Variants in SPINT3 observed in about 807,000 individuals in gnomAD.
SPINT3 encodes the protein serine peptidase inhibitor, Kunitz type 3, also known as kunitz-type protease inhibitor 3.
In SPINT3, 4 loss-of-function variants were observed where a neutral mutation model predicts 3.3. That is an observed-to-expected ratio of 1.22 (90% CI 0.60 to 2.79). The LOEUF (loss-of-function observed/expected upper bound fraction) is 2.79, where lower values mean the gene tolerates loss of function less well. Among genes scored for constraint, SPINT3 ranks in the 30% most tolerant of loss-of-function variants. The pLI, the probability that SPINT3 is intolerant of heterozygous loss-of-function variation, is 0.01. For synonymous variants in SPINT3, 30 were observed against 38.6 expected (o/e 0.78, Z 0.83); for missense variants, 97 against 104.3 (o/e 0.93, Z 0.31).
Position 45,513,338 on chromosome 20 carries a change from G to C in SPINT3, c.77-494C>G, listed in dbSNP as rs530214793. 5.3e-5 allele frequency among the ~76,000 whole-genome samples: 8 copies of C among 152,296 alleles called. No individual in the cohort carries two copies. The South Asian group carries it at 1.5e-3, about 28-fold the overall frequency. ...TCTGAGAGCAAGATTGAATCTGAGA[G>C]GGTTCAAACTTGTCTCAATTATCTT... is the stretch of plus-strand genomic sequence containing the variant. On this transcript the variant is annotated intron_variant, in intron 1 of 1. Coordinates refer to ENST00000217428, the MANE Select transcript of SPINT3 (RefSeq NM_006652.2).
Position 45,512,558 on chromosome 20 carries a change from T to C in SPINT3, c.*93A>G. 1 of 1,155,570 alleles carries C rather than the reference T, an allele frequency of 8.7e-7. No homozygotes were observed. The highest frequency in any genetic ancestry group is 1.2e-6 in the Non-Finnish European group (1 of 851,892). The allele number at this position is 1,155,570 out of a possible 1,614,324, so 71.6% of individuals were successfully genotyped here. The stretch of plus-strand genomic sequence containing the variant: ...TGTGGGGGTAGAGGAATGAACCTCT[T>C]GTTCACACACACACACACACACACA... On this transcript the variant is annotated 3_prime_UTR_variant, in exon 2 of 2. Transcript: ENST00000217428.
chr20:45,512,584 C>T lies in SPINT3; in HGVS notation c.*67G>A, dbSNP rs575063148. 19 of 1,385,390 alleles carry T rather than the reference C, an allele frequency of 1.4e-5. No homozygotes were observed. The highest frequency in any genetic ancestry group is 5.4e-5 in the South Asian group (4 of 74,206). 85.8% of individuals were successfully genotyped at this position (1,385,390 alleles called of 1,614,324 possible). ...GTTCACACACACACACACACACACACGCAAATGCCTTCTATGGCCCTCAGA... is the reference window on the plus strand; with the variant it reads ...GTTCACACACACACACACACACACATGCAAATGCCTTCTATGGCCCTCAGA... On this transcript the variant is annotated 3_prime_UTR_variant, in exon 2 of 2. Transcript: ENST00000217428.
At chr20:45,514,663 G>A (rs948890628) in intron 1 of SPINT3, among the ~76,000 whole-genome samples, 1 of 152,174 alleles carries the variant, frequency 6.6e-6, no homozygotes, top group African/African-American at 2.4e-5. Context: ...CTGGGAACTA[G>A]CATGTTTCCA....
chr20:45,512,823 GGGA>G lies in SPINT3; in HGVS notation c.95_97del (p.Leu32del), dbSNP rs1325475387. The G allele has an allele frequency of 9.7e-6, 15 of 1,551,492 alleles. No homozygotes were observed. Among genetic ancestry groups the G allele is most frequent in the Non-Finnish European group, 1.2e-5 (14 of 1,146,972 alleles). ...TTCCATAGGAAAAGCGCATACATTTGGGAGGAGATCCTTGATAGTGTCTGAAGA... is the reference window on the plus strand; with the variant it reads ...TTCCATAGGAAAAGCGCATACATTTGGGAGATCCTTGATAGTGTCTGAAGA... On this transcript the variant is annotated inframe_deletion, in exon 2 of 2. Transcript: ENST00000217428.
intron 1 of SPINT3, 74 bp downstream of exon 1, chr20:45,515,459 A>G: frequency 7.8e-7 from 1 of 1,283,548 alleles, no homozygotes; most frequent in Middle Eastern, 1.8e-4. Context: ...TTTGTGCTGC[A>G]TCACCTCCCC....
At chr20:45,513,905 T>G (rs1978806839) in intron 1 of SPINT3, among the ~76,000 whole-genome samples, 1 of 152,220 alleles carries the variant, frequency 6.6e-6, no homozygotes, top group Non-Finnish European at 1.5e-5. Flanking sequence ...TCCATCCATC[T>G]TGGTTGTTGT....
intron 1 of SPINT3, among the ~76,000 whole-genome samples, chr20:45,513,514 A>C (rs1352533161): frequency 6.6e-6 from 1 of 152,224 alleles, no homozygotes; most frequent in Non-Finnish European, 1.5e-5. Flanking sequence ...TAAATCAATA[A>C]ATAGTAGCTG....
intron 1 of SPINT3, among the ~76,000 whole-genome samples, chr20:45,514,993 A>G (rs1362392104): frequency 6.6e-6 from 1 of 151,958 alleles, no homozygotes; most frequent in Non-Finnish European, 1.5e-5. Context: ...TACCATCCCC[A>G]TTTCCAGCAG....
rs770000569 is a variant in SPINT3 at position 45,515,516 on chromosome 20, C to T, written c.76+17G>A. The T allele has an allele frequency of 1.9e-5, 29 of 1,548,912 alleles. No homozygotes were observed. In the South Asian group the frequency reaches 3.5e-4, roughly 18 times the overall value. On this transcript the variant is annotated intron_variant, in intron 1 of 1. Coordinates refer to ENST00000217428, the MANE Select transcript of SPINT3 (RefSeq NM_006652.2). ...GATTCCCAGTCTATTCTTTGAGATCCCACATTTCATACCAACCTCGTGCTA... is the reference window on the plus strand; with the variant it reads ...GATTCCCAGTCTATTCTTTGAGATCTCACATTTCATACCAACCTCGTGCTA...
chr20:45,514,968 T>G (rs1978832745), intron 1 of SPINT3, among the ~76,000 whole-genome samples: 1 of 152,214 alleles, frequency 6.6e-6, no homozygotes, highest in African/African-American at 2.4e-5. Flanking sequence ...CTTAAAAATC[T>G]TGGAAACTGC....
At chr20:45,514,601 T>C (rs1978823197) in intron 1 of SPINT3, among the ~76,000 whole-genome samples, 1 of 152,142 alleles carries the variant, frequency 6.6e-6, no homozygotes, top group South Asian at 2.1e-4. Flanking sequence ...GTCAGAATCA[T>C]CTAGAAGGCT....
At position 45,512,660 on chromosome 20, in the gene SPINT3, C is replaced by G. The variant is rs768976990; in HGVS notation, c.261G>C (p.Lys87Asn). The change falls in exon 2 of 2, where the codon AAG (lysine) becomes AAC (asparagine). Residue 87 changes from lysine (K) to asparagine (N), a missense_variant. By Grantham distance (94) the Lys-to-Asn change is moderately conservative. Coordinates refer to ENST00000217428, the MANE Select transcript of SPINT3 (RefSeq NM_006652.2). ...TGTTCTTGTTAGAAAATCAGGTGAA[C>G]TTGCAGAATTTCTCACATTTTTCTT... ...LRKEKCEKFCKFT is the reference protein window; with the variant it reads ...LRKEKCEKFCNFT The G allele has an allele frequency of 3.2e-6, 5 of 1,551,572 alleles. No homozygotes were observed. The South Asian group carries it at 3.6e-5, about 11-fold the overall frequency.
At chr20:45,512,906 T>C (rs946068862) in intron 1 of SPINT3, 62 bp from the exon 2 acceptor site, 6 of 1,394,570 alleles carry the variant, frequency 4.3e-6, no homozygotes, top group Non-Finnish European at 5.9e-6. Context: ...TTGCCTCATA[T>C]GCCAGGGGCT....
intron 1 of SPINT3, among the ~76,000 whole-genome samples, chr20:45,513,880 A>G (rs1291367472): frequency 1.3e-5 from 2 of 152,240 alleles, no homozygotes; most frequent in African/African-American, 4.8e-5. Flanking sequence ...TTCGACTGCA[A>G]AGGCTTGCAG....
chr20:45,512,492 C>G lies in SPINT3; in HGVS notation c.*159G>C, dbSNP rs1978758103. ...TGCAACATTTATAGAATTTCAGGCACAGAGATGAAGCACTTGTAGGAGCAC... is the reference window on the plus strand; with the variant it reads ...TGCAACATTTATAGAATTTCAGGCAGAGAGATGAAGCACTTGTAGGAGCAC... On this transcript the variant is annotated 3_prime_UTR_variant, in exon 2 of 2. Coordinates refer to ENST00000217428, the MANE Select transcript of SPINT3 (RefSeq NM_006652.2). The G allele has an allele frequency of 1.5e-6, 1 of 678,596 alleles. No individual in the cohort carries two copies. Among genetic ancestry groups the G allele is most frequent in the Non-Finnish European group, 2.4e-6 (1 of 411,866 alleles). The allele number at this position is 678,596 out of a possible 1,614,324, so 42.0% of individuals were successfully genotyped here.
chr20:45,513,107 T>C (rs990329898), intron 1 of SPINT3, among the ~76,000 whole-genome samples: 1 of 152,248 alleles, frequency 6.6e-6, no homozygotes, highest in Non-Finnish European at 1.5e-5. Flanking sequence ...AGCCACTTGC[T>C]ACTGTGTGAT....
At chr20:45,514,358 A>G (rs1015488446) in intron 1 of SPINT3, among the ~76,000 whole-genome samples, 3 of 152,216 alleles carry the variant, frequency 2.0e-5, no homozygotes, top group Non-Finnish European at 4.4e-5. Flanking sequence ...TTATACTGAG[A>G]GCTTGACATA....
chr20:45,514,276 C>T (rs1437303478), intron 1 of SPINT3, among the ~76,000 whole-genome samples: 1 of 152,168 alleles, frequency 6.6e-6, no homozygotes, highest in Non-Finnish European at 1.5e-5. Context: ...TAGATAATGA[C>T]ACCCTGTGTG....
chr20:45,512,611 C>T lies in SPINT3; in HGVS notation c.*40G>A. On this transcript the variant is annotated 3_prime_UTR_variant, in exon 2 of 2. Coordinates refer to ENST00000217428, the MANE Select transcript of SPINT3 (RefSeq NM_006652.2). ...CAAATGCCTTCTATGGCCCTCAGAG[C>T]AATCCCGAATCCATGGAGGGCTGTG... 1 of 1,539,586 alleles carries T rather than the reference C, an allele frequency of 6.5e-7. No individual in the cohort carries two copies. The highest frequency in any genetic ancestry group is 8.8e-7 in the Non-Finnish European group (1 of 1,138,918).
Sources: gnomAD v4.1 joint callset for allele counts (sites outside exome capture counted in the v4.1 genomes callset) on GRCh38, gnomAD v4.1.1 for gene constraint, MANE v1.5 for transcripts, NCBI Gene and HGNC (gene_info 2026-07-23, HGNC 2026-07-21) for gene names.